The following NUDCD3 variants were observed in gnomAD, a reference collection of about 807,000 sequenced individuals.
NUDCD3 encodes nudC domain-containing protein 3.
A neutral mutation model predicts 39.7 loss-of-function variants in NUDCD3; 13 were observed. The observed-to-expected ratio is 0.33, with a 90% CI of 0.21 to 0.52. NUDCD3 has a LOEUF of 0.52. Among genes scored for constraint, NUDCD3 ranks in the 20% least tolerant of loss-of-function variants. The pLI, the probability that NUDCD3 is intolerant of heterozygous loss-of-function variation, is 0.96. For synonymous variants in NUDCD3, 175 were observed against 172.4 expected, an observed-to-expected ratio of 1.02 and a Z score of -0.12; for missense variants, 453 against 458.1, an observed-to-expected ratio of 0.99 and a Z score of 0.10.
At chr7:44,392,609 G>A (rs1376435252) in intron 4 of NUDCD3, 124 bp from the exon 5 acceptor site, 19 of 786,480 alleles carry the variant, frequency 2.4e-5, no homozygotes, top group Non-Finnish European at 3.5e-5. Context: ...TACACAAAGG[G>A]AGGTGACAGA....
chr7:44,467,849 T>TAAAAAAGAAAAGAAAAGGC, intron 2 of NUDCD3: 1 of 1,351,062 alleles, frequency 7.4e-7, no homozygotes, highest in Non-Finnish European at 1.0e-6. Context: ...AAAGGCTCTC[T>TAAAAAAGAAAAGAAAAGGC]TCCTCGGCGC....
chr7:44,407,173 C>T (rs577867430), intron 3 of NUDCD3, among the ~76,000 whole-genome samples: 3 of 151,422 alleles, frequency 2.0e-5, no homozygotes, highest in South Asian at 2.1e-4. Flanking sequence ...ACTCAGCTGT[C>T]GGTGGTGGTG....
intron 2 of NUDCD3, chr7:44,468,040 A>G (rs185939191): frequency 5.0e-6 from 8 of 1,613,056 alleles, no homozygotes; most frequent in Middle Eastern, 1.7e-4. Flanking sequence ...TTCGTAGAAG[A>G]TTCAAGGGCC....
At chr7:44,405,036 G>C (rs1292129734) in intron 3 of NUDCD3, among the ~76,000 whole-genome samples, 1 of 152,180 alleles carries the variant, frequency 6.6e-6, no homozygotes, top group Non-Finnish European at 1.5e-5. Context: ...GCTCACCCCA[G>C]GACTGCTGTA....
chr7:44,393,175 G>C (rs577800220), intron 4 of NUDCD3, among the ~76,000 whole-genome samples: 207 of 152,136 alleles, frequency 1.4e-3, no homozygotes, highest in African/African-American at 4.8e-3. Context: ...CTGATGGCTT[G>C]GGAAGGAGAA....
intron 2 of NUDCD3, among the ~76,000 whole-genome samples, chr7:44,463,597 A>T (rs1221054942): frequency 6.6e-6 from 1 of 152,154 alleles, no homozygotes; most frequent in African/African-American, 2.4e-5. Context: ...AAGACTTAAA[A>T]ACAGGCACAA....
chr7:44,450,044 C>G (rs1019978191), intron 2 of NUDCD3, among the ~76,000 whole-genome samples: 2 of 152,024 alleles, frequency 1.3e-5, no homozygotes, highest in Admixed American at 6.6e-5. Flanking sequence ...GAAAACAACC[C>G]AATTTTTTTA....
chr7:44,442,157 A>T (rs1799597235), intron 2 of NUDCD3, among the ~76,000 whole-genome samples: 1 of 152,230 alleles, frequency 6.6e-6, no homozygotes, highest in Non-Finnish European at 1.5e-5. Flanking sequence ...CACCATCATT[A>T]ATATTTTTAC....
chr7:44,458,001 C>T (rs1032450677), intron 2 of NUDCD3, among the ~76,000 whole-genome samples: 2 of 152,202 alleles, frequency 1.3e-5, no homozygotes, highest in African/African-American at 4.8e-5. Context: ...GACAAATGAA[C>T]ATATATGTCT....
At chr7:44,452,079 C>T (rs984719070) in intron 2 of NUDCD3, among the ~76,000 whole-genome samples, 1 of 152,182 alleles carries the variant, frequency 6.6e-6, no homozygotes, top group Non-Finnish European at 1.5e-5. Context: ...TAAATACAAA[C>T]CAGAGTCAAG....
rs939018678 is a variant in NUDCD3 at position 44,381,271 on chromosome 7, T to A, written c.*4740A>T. The A allele has an allele frequency of 3.2e-4, 48 of 152,306 alleles. No individual in the cohort carries two copies. The highest frequency in any genetic ancestry group is 1.1e-3 in the African/African-American group (47 of 41,452). The allele number at this position is 152,306 out of a possible 1,614,324, so 9.4% of individuals were successfully genotyped here. On this transcript the variant is annotated 3_prime_UTR_variant, in exon 6 of 6. Coordinates refer to ENST00000355451, the MANE Select transcript of NUDCD3 (RefSeq NM_015332.4). ...GCAGTGGCCCTGGATGATTTCAGTA[T>A]CTGCCACTCACCTTGGTCATGATGC...
chr7:44,441,156 T>C (rs561126344), intron 2 of NUDCD3, among the ~76,000 whole-genome samples: 5 of 152,324 alleles, frequency 3.3e-5, no homozygotes, highest in African/African-American at 9.6e-5. Flanking sequence ...AGAAGGTTGT[T>C]ATTTACTGCT....
At chr7:44,433,800 AC>A (rs1324955808) in intron 2 of NUDCD3, among the ~76,000 whole-genome samples, 1 of 152,056 alleles carries the variant, frequency 6.6e-6, no homozygotes. Context: ...ATTATTCTCA[AC>A]AACCTCATAT....
At chr7:44,452,540 G>A (rs1003552736) in intron 2 of NUDCD3, among the ~76,000 whole-genome samples, 1 of 152,192 alleles carries the variant, frequency 6.6e-6, no homozygotes, top group African/African-American at 2.4e-5. Context: ...TTCTTCCTGG[G>A]ATGGGCATGA....
At chr7:44,421,353 C>T (rs1374178529) in intron 3 of NUDCD3, among the ~76,000 whole-genome samples, 1 of 137,286 alleles carries the variant, frequency 7.3e-6, no homozygotes, top group East Asian at 2.2e-4. Flanking sequence ...AAAAAAACCA[C>T]ACACAGACTG....
At chr7:44,402,592 T>C in intron 4 of NUDCD3, 1 of 455,984 alleles carries the variant, frequency 2.2e-6, no homozygotes, top group Non-Finnish European at 4.4e-6. Flanking sequence ...TTTGGGCTTC[T>C]GCATGAAGTA....
At chr7:44,459,833 A>G (rs1799973497) in intron 2 of NUDCD3, among the ~76,000 whole-genome samples, 2 of 152,238 alleles carry the variant, frequency 1.3e-5, no homozygotes, top group South Asian at 4.1e-4. Context: ...CACCAACAAT[A>G]GAATGATATG....
chr7:44,392,471 C>A lies in NUDCD3; in HGVS notation c.801G>T (p.Lys267Asn). ...TGGCGTTCCACCAATACTCGCCCAC[C>A]TTGCTCAGGTTCACCTGGGGACAAG... is the stretch of plus-strand genomic sequence containing the variant. ...PGKCVLVNLS[K>N]VGEYWWNAIL... Residue 267 changes from lysine (K) to asparagine (N), a missense_variant, in exon 5 of 6, where the codon AAG becomes AAT. Lys to Asn is a moderately conservative substitution (Grantham distance 94, BLOSUM62 0). Coordinates refer to ENST00000355451, the MANE Select transcript of NUDCD3 (RefSeq NM_015332.4). 2 of 1,614,022 alleles carry A rather than the reference C, an allele frequency of 1.2e-6. No individual in the cohort carries two copies.
intron 2 of NUDCD3, among the ~76,000 whole-genome samples, chr7:44,452,305 G>C (rs1182749509): frequency 6.6e-6 from 1 of 152,250 alleles, no homozygotes; most frequent in Admixed American, 6.5e-5. Flanking sequence ...AGCTGGGGAT[G>C]GGGGCGCACG....
Sources: allele counts gnomAD v4.1 joint callset (sites outside exome capture counted in the v4.1 genomes callset), GRCh38; gene constraint gnomAD v4.1.1; transcripts MANE v1.5; gene names NCBI Gene and HGNC (gene_info 2026-07-23, HGNC 2026-07-21).